Variants in LRIF1 observed in about 807,000 individuals in gnomAD.
The protein encoded by LRIF1 is ligand dependent nuclear receptor interacting factor 1.
LRIF1 carries 32 observed loss-of-function variants against 52.7 expected under a neutral mutation model. The observed-to-expected ratio is 0.61, with a 90% CI of 0.46 to 0.82. The LOEUF (loss-of-function observed/expected upper bound fraction) is 0.82, where lower values mean the gene tolerates loss of function less well. LRIF1 is among the 40% of genes least tolerant of loss of function. The pLI is 0.00. For missense variants in LRIF1, 887 were observed against 892.0 expected (o/e 0.99, Z 0.07); for synonymous variants, 323 against 317.4 (o/e 1.02, Z -0.19).
Position 110,951,636 on chromosome 1 carries a change from C to T in LRIF1, c.1248G>A (p.Leu416=). ...CCATCTGGGAAGATTTACTTTTAGCCAAAACAATATTTACAACCTCTCTGG... is the reference window on the plus strand; with the variant it reads ...CCATCTGGGAAGATTTACTTTTAGCTAAAACAATATTTACAACCTCTCTGG... ...EISREVVNIV[L]AKSKSSQMET... Residue 416 remains leucine, a synonymous_variant, in exon 2 of 4, where the codon TTG becomes TTA. Coordinates refer to ENST00000369763, the MANE Select transcript of LRIF1 (RefSeq NM_018372.4). 6.2e-7 allele frequency: 1 copy of T among 1,614,000 alleles called. No individual in the cohort carries two copies. The highest frequency in any genetic ancestry group is 8.5e-7 in the Non-Finnish European group (1 of 1,180,002).
rs1453624314 is a variant in LRIF1 at position 110,948,087 on chromosome 1, T to C, written c.2182A>G (p.Ile728Val). ...AACTCCGGTGGTGTCACTGGGAAAATATCTTCGGTATAATTTTTATTGAAG... is the reference window on the plus strand; with the variant it reads ...AACTCCGGTGGTGTCACTGGGAAAACATCTTCGGTATAATTTTTATTGAAG... ...HFFNKNYTED[I>V]FPVTPPELEE... Residue 728 changes from isoleucine to valine, a missense_variant, in exon 4 of 4, where the codon ATT becomes GTT. Coordinates refer to ENST00000369763, the MANE Select transcript of LRIF1 (RefSeq NM_018372.4). 3 of 1,613,978 alleles carry C rather than the reference T, an allele frequency of 1.9e-6. No homozygotes were observed. Among genetic ancestry groups the C allele is most frequent in the Admixed American group, 3.3e-5 (2 of 60,004 alleles).
At chr1:110,946,974 C>T (rs1323978332), downstream of LRIF1, among the ~76,000 whole-genome samples, 2 of 151,862 alleles carry the variant, frequency 1.3e-5, no homozygotes, top group African/African-American at 4.8e-5. Flanking sequence ...TTTTTAATAA[C>T]ATTGTTCTCC....
the LRIF1 span, among the ~76,000 whole-genome samples, chr1:110,890,320 A>G: frequency 4.6e-5 from 7 of 152,302 alleles, no homozygotes; most frequent in African/African-American, 1.4e-4. Context: ...TAATCCCAGC[A>G]CTTTGGGAGG....
the LRIF1 span, among the ~76,000 whole-genome samples, chr1:110,886,730 C>T: frequency 1.3e-5 from 2 of 151,356 alleles, no homozygotes; most frequent in African/African-American, 2.4e-5. Flanking sequence ...GTGCTGTGGT[C>T]CCAGCTACTC....
the LRIF1 span, chr1:110,940,289 C>A: frequency 3.3e-5 from 5 of 152,172 alleles, no homozygotes; most frequent in Non-Finnish European, 5.9e-5. Flanking sequence ...GATATCATTT[C>A]TCCCCAGTTA....
At chr1:110,962,680 T>A (rs185076168) in intron 1 of LRIF1, among the ~76,000 whole-genome samples, 2 of 152,224 alleles carry the variant, frequency 1.3e-5, no homozygotes, top group Non-Finnish European at 2.9e-5. Context: ...TGGAAACAGG[T>A]ACCTGGCCTC....
At chr1:110,886,871 T>TATATATATA in the LRIF1 span, among the ~76,000 whole-genome samples, 5 of 76,044 alleles carry the variant, frequency 6.6e-5, no homozygotes, top group African/African-American at 1.8e-4. Flanking sequence ...ATATATATAT[T>TATATATATA]TTTTTTTTCT....
chr1:110,942,046 G>C, the LRIF1 span: 1 of 151,860 alleles, frequency 6.6e-6, no homozygotes, highest in Non-Finnish European at 1.5e-5. Context: ...TTAGTTCATA[G>C]AGCTCTTCCT....
chr1:110,886,163 T>G, the LRIF1 span, among the ~76,000 whole-genome samples: 1 of 152,164 alleles, frequency 6.6e-6, no homozygotes, highest in East Asian at 1.9e-4. Context: ...CTTTAGTATT[T>G]TAAATGTGTT....
the LRIF1 span, among the ~76,000 whole-genome samples, chr1:110,898,350 C>T: frequency 7.1e-6 from 1 of 141,738 alleles, no homozygotes; most frequent in Admixed American, 7.7e-5. Flanking sequence ...GCACTCCTGC[C>T]TGGGCGACAG....
the LRIF1 span, among the ~76,000 whole-genome samples, chr1:110,889,802 C>A: frequency 6.6e-6 from 1 of 152,070 alleles, no homozygotes; most frequent in African/African-American, 2.4e-5. Context: ...TCAAGTTTGA[C>A]CCCAAAGCCT....
At chr1:110,957,329 C>T (rs184639232) in intron 1 of LRIF1, among the ~76,000 whole-genome samples, 1,734 of 148,656 alleles carry the variant, frequency 0.012, 39 homozygotes, top group African/African-American at 0.04. Flanking sequence ...AAAAATTAGC[C>T]GGGCGTGGTA....
the LRIF1 span, among the ~76,000 whole-genome samples, chr1:110,926,538 A>G: frequency 6.6e-6 from 1 of 152,096 alleles, no homozygotes; most frequent in South Asian, 2.1e-4. Flanking sequence ...AAGATTAAGA[A>G]ACTAAAAATA....
Position 110,952,580 on chromosome 1 carries a change from T to C in LRIF1, c.304A>G (p.Ser102Gly). 2 of 1,613,974 alleles carry C rather than the reference T, an allele frequency of 1.2e-6. No individual in the cohort carries two copies. Among genetic ancestry groups the C allele is most frequent in the Non-Finnish European group, 1.7e-6 (2 of 1,179,804 alleles). The change falls in exon 2 of 4, where the codon AGT becomes GGT. Residue 102 changes from serine (S) to glycine (G), a missense_variant. Physicochemically the swap from Ser to Gly is moderately conservative, Grantham distance 56. Transcript: ENST00000369763. Reference sequence around the variant, plus strand: ...CTTGTAAGAAAATAGTTTGAAGAACTGGCTGGCTGAAAAATGGGCAATTGA... The same window carrying C: ...CTTGTAAGAAAATAGTTTGAAGAACCGGCTGGCTGAAAAATGGGCAATTGA... Reference protein sequence around the residue: ...SVQLPIFQPASSSNYFLTRTV... With the variant: ...SVQLPIFQPAGSSNYFLTRTV...
chr1:110,940,443 T>C, the LRIF1 span: 13 of 152,056 alleles, frequency 8.5e-5, no homozygotes, highest in African/African-American at 2.9e-4. Context: ...AAAATAAAAA[T>C]AGAGCTACCA....
At chr1:110,949,039 A>T (rs1355400717) in intron 3 of LRIF1, among the ~76,000 whole-genome samples, 1 of 151,990 alleles carries the variant, frequency 6.6e-6, no homozygotes, top group Non-Finnish European at 1.5e-5. Context: ...GTAGGTGAAT[A>T]AAAAAAATTA....
the LRIF1 span, among the ~76,000 whole-genome samples, chr1:110,877,855 T>C: frequency 6.6e-6 from 1 of 152,168 alleles, no homozygotes; most frequent in Non-Finnish European, 1.5e-5. Context: ...TTATTACTCT[T>C]CAAAAGGACG....
chr1:110,895,801 G>A, the LRIF1 span, among the ~76,000 whole-genome samples: 1 of 152,046 alleles, frequency 6.6e-6, no homozygotes, highest in South Asian at 2.1e-4. Flanking sequence ...CTCTTCAATA[G>A]TTAACATTTT....
chr1:110,910,461 C>G, the LRIF1 span, among the ~76,000 whole-genome samples: 2 of 152,010 alleles, frequency 1.3e-5, no homozygotes, highest in African/African-American at 4.8e-5. Context: ...ATTAGCTGGG[C>G]ATGGCAGCAC....
Sources: allele counts gnomAD v4.1 joint callset (sites outside exome capture counted in the v4.1 genomes callset), GRCh38; gene constraint gnomAD v4.1.1; transcripts MANE v1.5; gene names NCBI Gene and HGNC (gene_info 2026-07-23, HGNC 2026-07-21).